Variants in MYOM2 observed in about 807,000 individuals in gnomAD.
MYOM2 encodes the protein myomesin 2.
MYOM2 carries 254 observed loss-of-function variants against 187.6 expected under a neutral mutation model. The ratio of observed to expected loss-of-function variants is 1.35; its 90% CI spans 1.22 to 1.50. The LOEUF (loss-of-function observed/expected upper bound fraction) is 1.50, where lower values mean the gene tolerates loss of function less well. MYOM2 is among the 40% of genes most tolerant of loss of function. The probability of loss-of-function intolerance (pLI) is 0.00; values close to 1 mark genes in which losing one functional copy is unlikely to be tolerated. For synonymous variants in MYOM2, 981 were observed against 753.8 expected, an observed-to-expected ratio of 1.30 and a Z score of -4.94; for missense variants, 2,796 against 1,924.0, an observed-to-expected ratio of 1.45 and a Z score of -8.48.
intron 11 of MYOM2, 116 bp downstream of exon 11, chr8:2,076,398 C>G (rs928147194): frequency 2.1e-5 from 28 of 1,334,590 alleles, no homozygotes; most frequent in Middle Eastern, 2.6e-4. Context: ...TTGATTGGCT[C>G]TAGGTACATG....
chr8:2,081,336 C>T (rs191859396), intron 13 of MYOM2, among the ~76,000 whole-genome samples: 2 of 132,156 alleles, frequency 1.5e-5, no homozygotes, highest in African/African-American at 3.1e-5. Flanking sequence ...TTCTGGCCTG[C>T]GGGAGGAACA....
At chr8:2,137,410 C>T (rs1339857701) in intron 32 of MYOM2, among the ~76,000 whole-genome samples, 1 of 151,900 alleles carries the variant, frequency 6.6e-6, no homozygotes, top group Non-Finnish European at 1.5e-5. Flanking sequence ...ATCACAAATC[C>T]CCAAGCAGTA....
intron 25 of MYOM2, among the ~76,000 whole-genome samples, chr8:2,114,394 C>G (rs1282242883): frequency 6.6e-6 from 1 of 152,230 alleles, no homozygotes; most frequent in African/African-American, 2.4e-5. Context: ...AACAAGACAG[C>G]TGCACTGCAG....
At chr8:2,115,672 C>T (rs1187444108) in intron 25 of MYOM2, among the ~76,000 whole-genome samples, 1 of 152,208 alleles carries the variant, frequency 6.6e-6, no homozygotes, top group African/African-American at 2.4e-5. Flanking sequence ...ATTTTATCTG[C>T]TTCACGTTAG....
rs768596375 is a variant in MYOM2 at position 2,123,598 on chromosome 8, A to G, written c.3611A>G (p.Asp1204Gly). 1 of 1,614,218 alleles carries G rather than the reference A, an allele frequency of 6.2e-7. No individual in the cohort carries two copies. Among genetic ancestry groups the G allele is most frequent in the Non-Finnish European group, 8.5e-7 (1 of 1,180,030 alleles). ...GGTGAATACAAGGCAACCTTGAAAG[A>G]TGACAGAGGCCAAGATGTGTCCATC... ...DHGEYKATLK[D>G]DRGQDVSILE... Residue 1204 changes from aspartate (D) to glycine (G), a missense_variant, in exon 30 of 37, where the codon GAT (aspartate) becomes GGT (glycine). Asp to Gly is a moderately conservative substitution (Grantham distance 94, BLOSUM62 -1). Transcript: ENST00000262113.
At chr8:2,139,836 A>G (rs1306050493) in intron 32 of MYOM2, among the ~76,000 whole-genome samples, 2 of 152,182 alleles carry the variant, frequency 1.3e-5, no homozygotes, top group African/African-American at 4.8e-5. Context: ...TTGGCCTTAT[A>G]TGTTGCAGAT....
intron 25 of MYOM2, 84 bp downstream of exon 25, chr8:2,109,615 C>T: frequency 7.1e-7 from 1 of 1,404,420 alleles, no homozygotes; most frequent in Non-Finnish European, 9.6e-7. Context: ...TCAACATTCT[C>T]TGTCTGTTTC....
intron 15 of MYOM2, among the ~76,000 whole-genome samples, chr8:2,090,545 G>C (rs147453768): frequency 2.0e-5 from 3 of 152,182 alleles, no homozygotes; most frequent in Non-Finnish European, 4.4e-5. Flanking sequence ...ATGGGGGTTT[G>C]TTGTAAAGAT....
intron 18 of MYOM2, among the ~76,000 whole-genome samples, chr8:2,097,887 C>T (rs1796547406): frequency 6.6e-6 from 1 of 152,228 alleles, no homozygotes; most frequent in Admixed American, 6.5e-5. Context: ...CATCACCACG[C>T]TGTGCAGGAA....
At chr8:2,120,680 T>TATATATATATA in intron 28 of MYOM2, among the ~76,000 whole-genome samples, 1,246 of 47,988 alleles carry the variant, frequency 0.026, 130 homozygotes, top group Non-Finnish European at 0.033. Flanking sequence ...ATATATTATA[T>TATATATATATA]TATATATAAA....
At chr8:2,096,715 G>A (rs1247359042) in intron 18 of MYOM2, among the ~76,000 whole-genome samples, 1 of 152,166 alleles carries the variant, frequency 6.6e-6, no homozygotes, top group African/African-American at 2.4e-5. Context: ...AGTACCTGTG[G>A]TAATGTCCCT....
chr8:2,103,772 T>C (rs1796800370), intron 21 of MYOM2, among the ~76,000 whole-genome samples: 1 of 151,252 alleles, frequency 6.6e-6, no homozygotes, highest in African/African-American at 2.4e-5. Flanking sequence ...AGCATGCATG[T>C]GTTATGTGTT....
At position 2,128,539 on chromosome 8, in the gene MYOM2, G is replaced by T. The variant is rs574628705; in HGVS notation, c.3695-588G>T. On this transcript the variant is annotated intron_variant, in intron 31 of 36. Transcript: ENST00000262113. ...CCTTATCTTCTCCTTTCTGACCTCT[G>T]ACCCATAGATCATCTACCTCAAGCG... Among the ~76,000 whole-genome samples, 105 of 152,278 alleles carry T rather than the reference G, an allele frequency of 6.9e-4. 1 individual carries two copies. Among genetic ancestry groups the T allele is most frequent in the African/African-American group, 2.4e-3 (99 of 41,546 alleles).
At chr8:2,074,153 T>A (rs1005923340) in intron 10 of MYOM2, among the ~76,000 whole-genome samples, 4 of 152,214 alleles carry the variant, frequency 2.6e-5, no homozygotes, top group African/African-American at 9.6e-5. Context: ...TATACAGATA[T>A]ATATATTTAT....
intron 19 of MYOM2, 115 bp downstream of exon 19, chr8:2,099,098 A>G: frequency 7.4e-7 from 1 of 1,350,726 alleles, no homozygotes; most frequent in Middle Eastern, 2.7e-4. Flanking sequence ...TTCCTCCGAC[A>G]CCCGCAGCCG....
At position 2,117,816 on chromosome 8, in the gene MYOM2, T is replaced by TAA. The variant is rs1797298373; in HGVS notation, c.3386-68_3386-67dup. 3 of 1,011,504 alleles carry TAA rather than the reference T, an allele frequency of 3.0e-6. No homozygotes were observed. In the South Asian group the frequency reaches 4.4e-5, roughly 15 times the overall value. 62.7% of individuals were successfully genotyped at this position (1,011,504 alleles called of 1,614,324 possible). A position where few individuals can be genotyped will look rare whatever the true frequency, so the allele number is the denominator to read the frequency against. ...GCATATATGTGTGGGTATATATATATAATAGCTATATATTTATTTGTTTAC... is the reference window on the plus strand; with the variant it reads ...GCATATATGTGTGGGTATATATATATAAAATAGCTATATATTTATTTGTTTAC... On this transcript the variant is annotated intron_variant, in intron 27 of 36. Transcript: ENST00000262113.
intron 1 of MYOM2, among the ~76,000 whole-genome samples, chr8:2,045,462 G>A (rs1585804666): frequency 6.6e-6 from 1 of 152,188 alleles, no homozygotes; most frequent in East Asian, 1.9e-4. Context: ...TGGTCTCATC[G>A]TGGCCCCAGG....
At chr8:2,126,308 C>G (rs1458655789) in intron 31 of MYOM2, among the ~76,000 whole-genome samples, 2 of 152,120 alleles carry the variant, frequency 1.3e-5, no homozygotes, top group Admixed American at 1.3e-4. Flanking sequence ...GCTGGAGTCT[C>G]TCCCTGACAT....
At chr8:2,098,736 TC>T in intron 18 of MYOM2, 120 bp from the exon 19 acceptor site, 1 of 1,145,574 alleles carries the variant, frequency 8.7e-7, no homozygotes, top group Non-Finnish European at 1.2e-6. Context: ...TGGTCCAATT[TC>T]CCGACAAGGT....
Sources: allele counts gnomAD v4.1 joint callset (sites outside exome capture counted in the v4.1 genomes callset), GRCh38; gene constraint gnomAD v4.1.1; transcripts MANE v1.5; gene names NCBI Gene and HGNC (gene_info 2026-07-23, HGNC 2026-07-21).